C8orf34: variants seen among roughly 807,000 people sequenced by gnomAD.
The protein encoded by C8orf34 is uncharacterized protein C8orf34.
C8orf34 carries 65 observed loss-of-function variants against 68.3 expected under a neutral mutation model. The observed-to-expected ratio is 0.95, with a 90% CI of 0.78 to 1.17. The LOEUF (loss-of-function observed/expected upper bound fraction) is 1.17, where lower values mean the gene tolerates loss of function less well. Among genes scored for constraint, C8orf34 ranks in the 50% most tolerant of loss-of-function variants. The probability of loss-of-function intolerance (pLI) is 0.00; values close to 1 mark genes in which losing one functional copy is unlikely to be tolerated. For missense variants in C8orf34, 664 were observed against 655.4 expected (o/e 1.01, Z -0.14); for synonymous variants, 244 against 241.2 (o/e 1.01, Z -0.11).
rs144244921 is a variant in C8orf34 at position 68,636,064 on chromosome 8, T to C, written c.1106-4312T>C. ...TAATAATAATTTTTAAAGGGAAGGC[T>C]TTGAATATGTTCTGATTGGAAGTTG... On this transcript the variant is annotated intron_variant, in intron 7 of 13. Transcript: ENST00000518698. 4.5e-3 allele frequency among the ~76,000 whole-genome samples: 689 copies of C among 152,280 alleles called. 8 individuals are homozygous for C. Among genetic ancestry groups the C allele is most frequent in the African/African-American group, 0.016 (657 of 41,558 alleles).
At chr8:68,606,682 G>A (rs1183022059) in intron 7 of C8orf34, among the ~76,000 whole-genome samples, 1 of 151,876 alleles carries the variant, frequency 6.6e-6, no homozygotes, top group African/African-American at 2.4e-5. Context: ...ACTATTTTTT[G>A]GGAAAATGCT....
chr8:68,523,200 A>G (rs138158793), intron 6 of C8orf34, among the ~76,000 whole-genome samples: 8 of 152,316 alleles, frequency 5.3e-5, no homozygotes, highest in Non-Finnish European at 1.0e-4. Context: ...TCATCTGTCA[A>G]TGAGGGTAAT....
At chr8:68,770,630 G>A (rs1563659414) in intron 10 of C8orf34, among the ~76,000 whole-genome samples, 1 of 152,074 alleles carries the variant, frequency 6.6e-6, no homozygotes, top group Non-Finnish European at 1.5e-5. Context: ...CTTTTTCCTG[G>A]CTTTGCCCTC....
At chr8:68,606,366 G>A (rs1156583714) in intron 7 of C8orf34, among the ~76,000 whole-genome samples, 1 of 152,064 alleles carries the variant, frequency 6.6e-6, no homozygotes, top group African/African-American at 2.4e-5. Context: ...TGGTGGAAAA[G>A]ATATTCCCTC....
chr8:68,514,526 T>C (rs1378882365), intron 5 of C8orf34, among the ~76,000 whole-genome samples: 1 of 152,230 alleles, frequency 6.6e-6, no homozygotes, highest in Non-Finnish European at 1.5e-5. Flanking sequence ...TTTCTCTTCT[T>C]TTCCCACAGG....
intron 5 of C8orf34, among the ~76,000 whole-genome samples, chr8:68,513,784 C>T (rs368450624): frequency 5.9e-4 from 90 of 152,220 alleles, no homozygotes; most frequent in African/African-American, 2.0e-3. Context: ...TGTGTGGGAC[C>T]TTTGGGCCAT....
intron 7 of C8orf34, among the ~76,000 whole-genome samples, chr8:68,575,246 A>T (rs1816868046): frequency 6.6e-6 from 1 of 152,112 alleles, no homozygotes; most frequent in South Asian, 2.1e-4. Context: ...GGTGAATTAT[A>T]TTAAAACGCC....
At chr8:68,336,832 A>G (rs1228832603) in intron 1 of C8orf34, among the ~76,000 whole-genome samples, 1 of 152,212 alleles carries the variant, frequency 6.6e-6, no homozygotes, top group Non-Finnish European at 1.5e-5. Context: ...AAGAGCTCAA[A>G]GAATAGTAGG....
chr8:68,550,910 T>A (rs1816046427), intron 7 of C8orf34, among the ~76,000 whole-genome samples: 1 of 151,558 alleles, frequency 6.6e-6, no homozygotes, highest in African/African-American at 2.4e-5. Context: ...TTGTTTGTTC[T>A]GCTTCCCCCC....
At chr8:68,459,835 C>A (rs2129628675) in intron 3 of C8orf34, among the ~76,000 whole-genome samples, 1 of 152,254 alleles carries the variant, frequency 6.6e-6, no homozygotes, top group South Asian at 2.1e-4. Context: ...AGGAACAGCT[C>A]CGGTCTACAG....
rs572163108 is a variant in C8orf34, at chr8:68,594,273, C to T, written c.1106-46103C>T. Among the ~76,000 whole-genome samples, 18 of 152,066 alleles carry T rather than the reference C, an allele frequency of 1.2e-4. No homozygotes were observed. The South Asian group carries it at 3.7e-3, about 32-fold the overall frequency. On this transcript the variant is annotated intron_variant, in intron 7 of 13. Coordinates refer to ENST00000518698, the MANE Select transcript of C8orf34 (RefSeq NM_052958.4). ...GATATCTGCATTTATCTAACTCTTC[C>T]TATAATTGTCTGGTGTTGCTTTATA...
chr8:68,372,928 T>C (rs895431476), intron 1 of C8orf34, among the ~76,000 whole-genome samples: 2 of 152,224 alleles, frequency 1.3e-5, no homozygotes, highest in African/African-American at 4.8e-5. Context: ...AGCCCCTTCC[T>C]TGCAAAGCAC....
At chr8:68,365,324 G>A (rs1807200603) in intron 1 of C8orf34, among the ~76,000 whole-genome samples, 1 of 58,306 alleles carries the variant, frequency 1.7e-5, no homozygotes, top group African/African-American at 7.7e-5. Context: ...GGTACAAGGA[G>A]GAACTGGTAC....
intron 3 of C8orf34, among the ~76,000 whole-genome samples, chr8:68,465,718 G>T (rs979671855): frequency 6.6e-6 from 1 of 150,552 alleles, no homozygotes; most frequent in East Asian, 2.0e-4. Context: ...ACCAAACACC[G>T]CATGTTCTCA....
In C8orf34 at chr8:68,653,304, G is replaced by A. The variant is rs568501760; in HGVS notation, c.1241+12793G>A. Among the ~76,000 whole-genome samples the A allele has an allele frequency of 3.7e-4, 56 of 152,180 alleles. 1 individual carries two copies. Among genetic ancestry groups the A allele is most frequent in the African/African-American group, 1.0e-3 (42 of 41,536 alleles). On this transcript the variant is annotated intron_variant, in intron 8 of 13. Coordinates refer to ENST00000518698, the MANE Select transcript of C8orf34 (RefSeq NM_052958.4). ...CAATGATTTGTAGCCAAGGTTACTC[G>A]TTTCAGAGTTTATAGAGTCATTCAC...
chr8:68,732,219 G>A (rs993264393), intron 10 of C8orf34, among the ~76,000 whole-genome samples: 3 of 152,130 alleles, frequency 2.0e-5, no homozygotes, highest in Non-Finnish European at 2.9e-5. Context: ...AGGCCATTAG[G>A]CATATTTACC....
chr8:68,706,929 T>A (rs892641719), intron 8 of C8orf34, among the ~76,000 whole-genome samples: 9 of 152,260 alleles, frequency 5.9e-5, no homozygotes, highest in African/African-American at 2.2e-4. Flanking sequence ...TAGGTGAGAC[T>A]TTCCAATATG....
At chr8:68,367,912 G>GAAAAAAAAAAAAAAAAAAAAAAAAAAA (rs61562318) in intron 1 of C8orf34, among the ~76,000 whole-genome samples, 3 of 79,116 alleles carry the variant, frequency 3.8e-5, no homozygotes, top group Non-Finnish European at 7.0e-5. Flanking sequence ...AAAAAGAAAA[G>GAAAAAAAAAAAAAAAAAAAAAAAAAAA]AAAAAAAAAA....
At chr8:68,358,474 T>C (rs987506752) in intron 1 of C8orf34, among the ~76,000 whole-genome samples, 32 of 151,454 alleles carry the variant, frequency 2.1e-4, no homozygotes, top group African/African-American at 7.5e-4. Flanking sequence ...GCCTCCTTCA[T>C]GCCACAATAG....
Sources: allele counts gnomAD v4.1 joint callset (sites outside exome capture counted in the v4.1 genomes callset), GRCh38; gene constraint gnomAD v4.1.1; transcripts MANE v1.5; gene names NCBI Gene and HGNC (gene_info 2026-07-23, HGNC 2026-07-21).